Variants in DNAJB11 observed in about 807,000 individuals in gnomAD.
DNAJB11 encodes dnaJ homolog subfamily B member 11.
Under a neutral mutation model 47.2 loss-of-function variants are expected in DNAJB11, and 30 were observed. The ratio of observed to expected loss-of-function variants is 0.64; its 90% CI spans 0.48 to 0.86. The LOEUF is 0.86. Ranked by LOEUF, DNAJB11 falls within the 40% of genes least tolerant of loss-of-function variation. The pLI is 0.00. For synonymous variants in DNAJB11, 151 were observed against 159.9 expected (o/e 0.94, Z 0.42); for missense variants, 357 against 440.2 (o/e 0.81, Z 1.69).
chr3:186,571,670 T>G (rs1404011753), intron 1 of DNAJB11, among the ~76,000 whole-genome samples: 1 of 152,206 alleles, frequency 6.6e-6, no homozygotes, highest in Non-Finnish European at 1.5e-5. Context: ...AGAAGGAAAA[T>G]CATCCTTTGA....
chr3:186,578,566 G>C (rs962219268), intron 4 of DNAJB11: 5 of 152,010 alleles, frequency 3.3e-5, no homozygotes, highest in African/African-American at 9.7e-5. Context: ...CTTAATTTTT[G>C]CTCATCAAAT....
At chr3:186,571,015 T>TGGGGGTG in intron 1 of DNAJB11, 50 bp downstream of exon 1, 1 of 144,544 alleles carries the variant, frequency 6.9e-6, no homozygotes, top group Non-Finnish European at 1.5e-5. Context: ...CAGCCTTTGC[T>TGGGGGTG]GGGGGGTGGG....
In DNAJB11 at chr3:186,572,277, C is replaced by T. The variant is rs371451668; in HGVS notation, c.225+26C>T. 7.6e-6 allele frequency: 12 copies of T among 1,585,334 alleles called. No individual in the cohort carries two copies. The Admixed American group carries it at 1.5e-4, about 20-fold the overall frequency. On this transcript the variant is annotated intron_variant, in intron 2 of 9. Coordinates refer to ENST00000265028, the MANE Select transcript of DNAJB11 (RefSeq NM_016306.6). ...GTGAGTTGGGAAAAGTGATAAAGTACGAATAAAATCTGTAGCTCTAGAAAA... is the reference window on the plus strand; with the variant it reads ...GTGAGTTGGGAAAAGTGATAAAGTATGAATAAAATCTGTAGCTCTAGAAAA...
chr3:186,582,886 G>A (rs1004907393), intron 7 of DNAJB11, 113 bp downstream of exon 7: 18 of 797,510 alleles, frequency 2.3e-5, no homozygotes, highest in African/African-American at 1.4e-4. Flanking sequence ...TACCCTAAAC[G>A]ATGATTTGTA....
chr3:186,583,733 C>A, intron 7 of DNAJB11, 132 bp from the exon 8 acceptor site: 1 of 666,174 alleles, frequency 1.5e-6, no homozygotes. Flanking sequence ...TCGATTAATA[C>A]TACACACAAA....
intron 7 of DNAJB11, among the ~76,000 whole-genome samples, 180 bp downstream of exon 7, chr3:186,582,953 T>C (rs1715537186): frequency 6.6e-6 from 1 of 152,224 alleles, no homozygotes; most frequent in South Asian, 2.1e-4. Flanking sequence ...CCCCAGTTAT[T>C]TATTTACTTA....
At chr3:186,582,674 A>G (rs1051660374) in intron 6 of DNAJB11, 42 bp from the exon 7 acceptor site, 1 of 1,509,018 alleles carries the variant, frequency 6.6e-7, no homozygotes, top group African/African-American at 1.4e-5. Context: ...TGTGGTATTC[A>G]ACTTGTATGA....
chr3:186,575,544 C>T (rs1045284420), intron 2 of DNAJB11, among the ~76,000 whole-genome samples: 3 of 152,122 alleles, frequency 2.0e-5, no homozygotes, highest in East Asian at 1.9e-4. Flanking sequence ...CTGTCACCAC[C>T]CTGACCTTCA....
At chr3:186,576,694 G>A (rs1171536073) in intron 3 of DNAJB11, among the ~76,000 whole-genome samples, 4 of 152,120 alleles carry the variant, frequency 2.6e-5, no homozygotes, top group Non-Finnish European at 5.9e-5. Context: ...TTGGTTGAGG[G>A]GCCTGGGGTG....
At chr3:186,577,207 T>G (rs1193304071) in intron 3 of DNAJB11, among the ~76,000 whole-genome samples, 1 of 152,214 alleles carries the variant, frequency 6.6e-6, no homozygotes, top group East Asian at 1.9e-4. Flanking sequence ...AAAAAGCATG[T>G]AAAGAGAACA....
intron 9 of DNAJB11, 34 bp from the exon 10 acceptor site, chr3:186,585,310 T>G: frequency 6.3e-7 from 1 of 1,576,450 alleles, no homozygotes; most frequent in South Asian, 1.2e-5. Context: ...AACATTTTTT[T>G]GTTAATGGAG....
At chr3:186,575,599 G>A (rs992512997) in intron 2 of DNAJB11, among the ~76,000 whole-genome samples, 7 of 152,110 alleles carry the variant, frequency 4.6e-5, no homozygotes, top group African/African-American at 7.2e-5. Context: ...GTGACTACAC[G>A]AGTTTTGAGA....
intron 9 of DNAJB11, 78 bp from the exon 10 acceptor site, chr3:186,585,266 T>C: frequency 8.2e-7 from 1 of 1,221,668 alleles, no homozygotes; most frequent in Admixed American, 2.1e-5. Flanking sequence ...TATGAGCTTT[T>C]TCTTGAAATA....
At chr3:186,574,686 A>C (rs1431651959) in intron 2 of DNAJB11, among the ~76,000 whole-genome samples, 1 of 152,168 alleles carries the variant, frequency 6.6e-6, no homozygotes, top group African/African-American at 2.4e-5. Flanking sequence ...CCTTTCAAGG[A>C]TATCTTAAAT....
intron 7 of DNAJB11, 96 bp downstream of exon 7, chr3:186,582,869 C>T: frequency 1.1e-6 from 1 of 871,512 alleles, no homozygotes; most frequent in South Asian, 1.4e-5. Flanking sequence ...CTGTTTCTTA[C>T]CCTTATTACC....
At chr3:186,579,262 T>C (rs1186716376) in intron 4 of DNAJB11, 2 of 152,214 alleles carry the variant, frequency 1.3e-5, no homozygotes, top group Admixed American at 1.3e-4. Context: ...AACTTTCTTT[T>C]AAATACAAAA....
chr3:186,576,563 G>A (rs1187645205), intron 3 of DNAJB11, among the ~76,000 whole-genome samples: 1 of 152,148 alleles, frequency 6.6e-6, no homozygotes, highest in African/African-American at 2.4e-5. Flanking sequence ...AAAGATGTTC[G>A]AATCTGCATT....
At chr3:186,581,633 A>G in intron 5 of DNAJB11, 120 bp downstream of exon 5, 1 of 1,165,484 alleles carries the variant, frequency 8.6e-7, no homozygotes, top group East Asian at 2.5e-5. Flanking sequence ...CATGTTCTGC[A>G]AAAGGATAGA....
At chr3:186,577,579 A>T in intron 3 of DNAJB11, 89 bp from the exon 4 acceptor site, 2 of 1,229,752 alleles carry the variant, frequency 1.6e-6, no homozygotes, top group Non-Finnish European at 2.2e-6. Flanking sequence ...TAGAAACAAT[A>T]GTTTATCAAC....
Sources: allele counts gnomAD v4.1 joint callset (sites outside exome capture counted in the v4.1 genomes callset), GRCh38; gene constraint gnomAD v4.1.1; transcripts MANE v1.5; gene names NCBI Gene and HGNC (gene_info 2026-07-23, HGNC 2026-07-21).